Variants in CHGB observed in about 807,000 individuals in gnomAD.
The protein encoded by CHGB is secretogranin-1.
Under a neutral mutation model 69.9 loss-of-function variants are expected in CHGB, and 46 were observed. The ratio of observed to expected loss-of-function variants is 0.66; its 90% CI spans 0.52 to 0.84. The LOEUF is 0.84. Ranked by LOEUF, CHGB falls within the 40% of genes least tolerant of loss-of-function variation. The pLI, the probability that CHGB is intolerant of heterozygous loss-of-function variation, is 0.00. For synonymous variants in CHGB, 312 were observed against 298.2 expected (o/e 1.05, Z -0.48); for missense variants, 796 against 822.2 (o/e 0.97, Z 0.39).
In CHGB at chr20:5,922,636, TGAGGAG is replaced by T. The variant is rs753606170; in HGVS notation, c.503_508del (p.Glu168_Glu169del). 33 of 1,612,648 alleles carry T rather than the reference TGAGGAG, an allele frequency of 2.0e-5. No individual in the cohort carries two copies. In the African/African-American group the frequency reaches 4.2e-4, roughly 20 times the overall value. On this transcript the variant is annotated inframe_deletion, in exon 4 of 5. Coordinates refer to ENST00000378961, the MANE Select transcript of CHGB (RefSeq NM_001819.3). Reference sequence around the variant, plus strand: ...ATTCTGAGAAGAGCCAGAGAGAGGATGAGGAGGAGGAGGAGGGAGAGAACTATCAAA... The same window carrying T: ...ATTCTGAGAAGAGCCAGAGAGAGGATGAGGAGGAGGGAGAGAACTATCAAA...
intron 3 of CHGB, 159 bp downstream of exon 3, chr20:5,917,078 T>C: frequency 1.5e-6 from 1 of 683,560 alleles, no homozygotes; most frequent in Non-Finnish European, 2.6e-6. Context: ...ACAGAAGATA[T>C]GACTCCTAGT....
intron 4 of CHGB, among the ~76,000 whole-genome samples, chr20:5,924,673 A>G (rs796865009): frequency 6.6e-6 from 1 of 152,220 alleles, no homozygotes; most frequent in East Asian, 1.9e-4. Context: ...TTTTTTCCTA[A>G]TATTGATTAT....
chr20:5,918,799 G>T (rs1022123211), intron 3 of CHGB, among the ~76,000 whole-genome samples: 1 of 107,028 alleles, frequency 9.3e-6, no homozygotes, highest in African/African-American at 3.7e-5. Context: ...GTGACAGAGC[G>T]AGTCTCTGTC....
chr20:5,911,546 G>C lies in CHGB; in HGVS notation c.-88G>C. On this transcript the variant is annotated 5_prime_UTR_variant, in exon 1 of 5. Coordinates refer to ENST00000378961, the MANE Select transcript of CHGB (RefSeq NM_001819.3). ...ACCAGGAGGCACGCTGGTTTTCCGG[G>C]GCCGCTCCATCGCGCCTTCCTCCTG... The C allele has an allele frequency of 7.2e-7, 1 of 1,393,586 alleles. No individual in the cohort carries two copies. Among genetic ancestry groups the C allele is most frequent in the Non-Finnish European group, 9.7e-7 (1 of 1,031,622 alleles). 86.3% of individuals were successfully genotyped at this position (1,393,586 alleles called of 1,614,324 possible). A position where few individuals can be genotyped will look rare whatever the true frequency, so the allele number is the denominator to read the frequency against.
rs2088526377 is a variant in CHGB, at chr20:5,923,088, ACGTCAG to A, written c.946_951del (p.Val316_Ser317del). 2 of 1,614,078 alleles carry A rather than the reference ACGTCAG, an allele frequency of 1.2e-6. No individual in the cohort carries two copies. The highest frequency in any genetic ancestry group is 1.7e-6 in the Non-Finnish European group (2 of 1,180,008). On this transcript the variant is annotated inframe_deletion, in exon 4 of 5. Coordinates refer to ENST00000378961, the MANE Select transcript of CHGB (RefSeq NM_001819.3). ...CCCCAGGAGGAATCTGAGGAGTCAA[ACGTCAG>A]CATGGCCAGTTTAGGGGAAAAGAGG... is the stretch of plus-strand genomic sequence containing the variant.
chr20:5,913,972 AT>A (rs1255409406), intron 1 of CHGB, among the ~76,000 whole-genome samples: 1 of 151,934 alleles, frequency 6.6e-6, no homozygotes, highest in Non-Finnish European at 1.5e-5. Flanking sequence ...TATTTAACTT[AT>A]TTTACAGTTA....
At position 5,922,951 on chromosome 20, in the gene CHGB, T is replaced by C. The variant is rs1568552010; in HGVS notation, c.807T>C (p.Asp269=). Residue 269 remains aspartate, a synonymous_variant, in exon 4 of 5, where the codon GAT becomes GAC. Coordinates refer to ENST00000378961, the MANE Select transcript of CHGB (RefSeq NM_001819.3). ...AAGAATCTGAGGAAGGTGAGGAAGA[T>C]GCCACCTCTGAGGTGGACAAACGAC... ...SQEESEEGEE[D]ATSEVDKRRT... is the part of the protein sequence containing the mutation. 1 of 1,610,944 alleles carries C rather than the reference T, an allele frequency of 6.2e-7. No homozygotes were observed. The highest frequency in any genetic ancestry group is 8.5e-7 in the Non-Finnish European group (1 of 1,178,572).
rs2088519770 is a variant in CHGB at position 5,922,475 on chromosome 20, G to A, written c.331G>A (p.Asp111Asn). Residue 111 changes from aspartate (D) to asparagine (N), a missense_variant, in exon 4 of 5, where the codon GAC (aspartate) becomes AAC (asparagine). By Grantham distance (23) the Asp-to-Asn change is conservative. Coordinates refer to ENST00000378961, the MANE Select transcript of CHGB (RefSeq NM_001819.3). ...RGEAGAPGEE[D>N]IQGPTKADTE... ...AGAGGCAGGAGCCCCAGGGGAGGAG[G>A]ACATCCAAGGCCCAACAAAGGCAGA... 2 of 1,613,448 alleles carry A rather than the reference G, an allele frequency of 1.2e-6. No individual in the cohort carries two copies. The highest frequency in any genetic ancestry group is 2.2e-5 in the East Asian group (1 of 44,868).
chr20:5,922,296 C>G, intron 3 of CHGB, 39 bp from the exon 4 acceptor site: 4 of 1,499,086 alleles, frequency 2.7e-6, no homozygotes, highest in Non-Finnish European at 3.6e-6. Context: ...GAACCACAAG[C>G]AATTCTGAAA....
In CHGB at chr20:5,917,018, G is replaced by A. The variant is rs1230189335; in HGVS notation, c.190+99G>A. The A allele has an allele frequency of 1.9e-5, 20 of 1,078,982 alleles. No homozygotes were observed. In the African/African-American group the frequency reaches 2.8e-4, roughly 15 times the overall value. 66.8% of individuals were successfully genotyped at this position (1,078,982 alleles called of 1,614,324 possible). Reference sequence around the variant, plus strand: ...CTACTTTATCTACAAATGACCTGGGGGCATAATGCACTAGGAAGAGTATTG... The same window carrying A: ...CTACTTTATCTACAAATGACCTGGGAGCATAATGCACTAGGAAGAGTATTG... On this transcript the variant is annotated intron_variant, in intron 3 of 4. Transcript: ENST00000378961.
At chr20:5,914,723 A>G (rs1410152435) in intron 1 of CHGB, 1 of 152,230 alleles carries the variant, frequency 6.6e-6, no homozygotes, top group East Asian at 1.9e-4. Context: ...AGTTGAGTAT[A>G]TTGGACCTTG....
chr20:5,923,446 C>T lies in CHGB; in HGVS notation c.1302C>T (p.Thr434=). Residue 434 remains threonine, a synonymous_variant, in exon 4 of 5, where the codon ACC becomes ACT. Coordinates refer to ENST00000378961, the MANE Select transcript of CHGB (RefSeq NM_001819.3). ...CACGTGCCTATTTCATGTCTGACAC[C>T]AGAGAAGAGAAAAGGTTCTTGGGTG... ...GEPRAYFMSD[T]REEKRFLGEG... 1.9e-6 allele frequency: 3 copies of T among 1,614,104 alleles called. No homozygotes were observed. The highest frequency in any genetic ancestry group is 2.5e-6 in the Non-Finnish European group (3 of 1,180,028).
chr20:5,923,949 A>T lies in CHGB; in HGVS notation c.1805A>T (p.Asp602Val). The change falls in exon 4 of 5, where the codon GAC becomes GTC. Residue 602 changes from aspartate to valine, a missense_variant. Asp to Val is a radical substitution (Grantham distance 152). Transcript: ENST00000378961. ...AAGCTGGACCTGAAAAGGCAATATGACAGGGTGGCCCAACTGGACCAGCTC... is the reference window on the plus strand; with the variant it reads ...AAGCTGGACCTGAAAAGGCAATATGTCAGGGTGGCCCAACTGGACCAGCTC... Reference protein sequence around the residue: ...VPKLDLKRQYDRVAQLDQLLH... With the variant: ...VPKLDLKRQYVRVAQLDQLLH... 3 of 1,614,184 alleles carry T rather than the reference A, an allele frequency of 1.9e-6. No individual in the cohort carries two copies. Among genetic ancestry groups the T allele is most frequent in the Non-Finnish European group, 2.5e-6 (3 of 1,180,040 alleles).
At chr20:5,921,300 C>A (rs978437674) in intron 3 of CHGB, among the ~76,000 whole-genome samples, 1 of 152,114 alleles carries the variant, frequency 6.6e-6, no homozygotes, top group Non-Finnish European at 1.5e-5. Context: ...TCGGACCAGC[C>A]ACATTTCAAG....
In CHGB at chr20:5,925,212, T is replaced by C. The variant is rs1300363073; in HGVS notation, c.*163T>C. Reference sequence around the variant, plus strand: ...GAATTGTCTTTAATTTCTGTCAGAATGCTATTGAAAATGTGAATTGCATGA... The same window carrying C: ...GAATTGTCTTTAATTTCTGTCAGAACGCTATTGAAAATGTGAATTGCATGA... On this transcript the variant is annotated 3_prime_UTR_variant, in exon 5 of 5. Transcript: ENST00000378961. 2 of 519,406 alleles carry C rather than the reference T, an allele frequency of 3.9e-6. No homozygotes were observed. Among genetic ancestry groups the C allele is most frequent in the African/African-American group, 3.9e-5 (2 of 51,072 alleles). The allele number at this position is 519,406 out of a possible 1,614,324, so 32.2% of individuals were successfully genotyped here.
At position 5,923,933 on chromosome 20, in the gene CHGB, CTGAAAAGGCAATA is replaced by C. The variant is rs1480660718; in HGVS notation, c.1793_1805del (p.Lys598ThrfsTer29). 4.3e-6 allele frequency: 7 copies of C among 1,614,152 alleles called. No homozygotes were observed. The highest frequency in any genetic ancestry group is 5.1e-6 in the Non-Finnish European group (6 of 1,180,034). ...CCTCGCCAGGGTCCCCAAGCTGGAC[CTGAAAAGGCAATA>C]TGACAGGGTGGCCCAACTGGACCAG... is the stretch of plus-strand genomic sequence containing the variant. On this transcript the variant is annotated frameshift_variant, in exon 4 of 5. Transcript: ENST00000378961. LOFTEE classifies it high-confidence loss of function.
Position 5,923,756 on chromosome 20 carries a change from A to G in CHGB, c.1612A>G (p.Arg538Gly). The G allele has an allele frequency of 1.2e-6, 2 of 1,614,226 alleles. No individual in the cohort carries two copies. The highest frequency in any genetic ancestry group is 1.7e-6 in the Non-Finnish European group (2 of 1,180,036). ...CCAGTGGAAGAGCAGCCATTTTGAA[A>G]GAAGAGACAACATGAATGACAATTT... is the stretch of plus-strand genomic sequence containing the variant. ...PLQWKSSHFE[R>G]RDNMNDNFLE... is the part of the protein sequence containing the mutation. Residue 538 changes from arginine to glycine, a missense_variant, in exon 4 of 5, where the codon AGA becomes GGA. Transcript: ENST00000378961.
At chr20:5,918,685 G>A (rs929495345) in intron 3 of CHGB, among the ~76,000 whole-genome samples, 11 of 151,564 alleles carry the variant, frequency 7.3e-5, no homozygotes, top group Admixed American at 2.6e-4. Flanking sequence ...GGTGACACAC[G>A]CCTGTAGTCC....
chr20:5,920,367 G>A (rs1021491252), intron 3 of CHGB, among the ~76,000 whole-genome samples: 1 of 152,130 alleles, frequency 6.6e-6, no homozygotes, highest in African/African-American at 2.4e-5. Flanking sequence ...GTCTTAGTCA[G>A]CTTGGGCTGC....
Sources: allele counts gnomAD v4.1 joint callset (sites outside exome capture counted in the v4.1 genomes callset), GRCh38; gene constraint gnomAD v4.1.1; transcripts MANE v1.5; gene names NCBI Gene and HGNC (gene_info 2026-07-23, HGNC 2026-07-21).